The following LRMDA variants were observed in gnomAD, a reference collection of about 807,000 sequenced individuals.
LRMDA encodes leucine rich melanocyte differentiation associated.
A neutral mutation model predicts 29.8 loss-of-function variants in LRMDA; 18 were observed. That is an observed-to-expected ratio of 0.60 (90% CI 0.42 to 0.90). LRMDA has a LOEUF of 0.90. LRMDA is among the 40% of genes least tolerant of loss of function. The probability of loss-of-function intolerance (pLI) is 0.00; values close to 1 mark genes in which losing one functional copy is unlikely to be tolerated. For synonymous variants in LRMDA, 125 were observed against 109.4 expected (o/e 1.14, Z -0.89); for missense variants, 273 against 273.9 (o/e 1.00, Z 0.02).
In LRMDA at chr10:75,652,142, T is replaced by A. The variant is rs528530352; in HGVS notation, c.131+213648T>A. Among the ~76,000 whole-genome samples, 11 of 152,322 alleles carry A rather than the reference T, an allele frequency of 7.2e-5. No homozygotes were observed. In the East Asian group the frequency reaches 1.9e-3, roughly 27 times the overall value. On this transcript the variant is annotated intron_variant, in intron 2 of 6. Coordinates refer to ENST00000611255, the MANE Select transcript of LRMDA (RefSeq NM_001305581.2). Reference sequence around the variant, plus strand: ...TGGGCATCCTAAAACCAGATAATTTTAAAAAATTCATTGCAGCCATGGGCA... The same window carrying A: ...TGGGCATCCTAAAACCAGATAATTTAAAAAAATTCATTGCAGCCATGGGCA...
At chr10:75,673,080 G>T (rs1043897966) in intron 2 of LRMDA, among the ~76,000 whole-genome samples, 3 of 151,922 alleles carry the variant, frequency 2.0e-5, no homozygotes, top group African/African-American at 7.3e-5. Context: ...CCTGCTGCTG[G>T]TATGTGGTGT....
intron 5 of LRMDA, among the ~76,000 whole-genome samples, chr10:76,291,306 G>T (rs910855150): frequency 5.9e-5 from 9 of 152,082 alleles, no homozygotes; most frequent in African/African-American, 2.2e-4. Flanking sequence ...AATCATCTGG[G>T]ATATTGTGAT....
At chr10:76,380,670 T>TAA (rs531185581) in intron 6 of LRMDA, among the ~76,000 whole-genome samples, 53 of 54,390 alleles carry the variant, frequency 9.7e-4, no homozygotes, top group South Asian at 4.3e-3. Flanking sequence ...CTCCACTTCA[T>TAA]AAAAAAAAAA....
At chr10:75,648,906 A>T (rs1372539526) in intron 2 of LRMDA, among the ~76,000 whole-genome samples, 1 of 152,176 alleles carries the variant, frequency 6.6e-6, no homozygotes, top group African/African-American at 2.4e-5. Context: ...TCGAACTTCC[A>T]GTGCACTGGG....
intron 5 of LRMDA, among the ~76,000 whole-genome samples, chr10:76,157,432 C>T (rs1453502810): frequency 1.3e-5 from 2 of 151,938 alleles, no homozygotes; most frequent in African/African-American, 4.8e-5. Flanking sequence ...GCAACATAGC[C>T]AGACCCTGTT....
At chr10:76,141,080 T>C (rs1356785217) in intron 5 of LRMDA, among the ~76,000 whole-genome samples, 1 of 152,080 alleles carries the variant, frequency 6.6e-6, no homozygotes, top group Non-Finnish European at 1.5e-5. Flanking sequence ...ATGGCTCCCA[T>C]GCACACCAGC....
chr10:75,622,028 A>G (rs1183275717), intron 2 of LRMDA, among the ~76,000 whole-genome samples: 1 of 152,206 alleles, frequency 6.6e-6, no homozygotes, highest in African/African-American at 2.4e-5. Context: ...CTTTAAATGC[A>G]TAAATCAAAT....
intron 2 of LRMDA, among the ~76,000 whole-genome samples, chr10:75,989,979 G>T (rs555108644): frequency 1.3e-5 from 2 of 152,294 alleles, no homozygotes; most frequent in Admixed American, 1.3e-4. Context: ...AGACAGGCCG[G>T]CCTCCTTAGG....
chr10:76,316,718 G>A (rs1333650227), intron 5 of LRMDA, among the ~76,000 whole-genome samples: 10 of 152,170 alleles, frequency 6.6e-5, no homozygotes, highest in Non-Finnish European at 1.5e-4. Context: ...TTACTTGGAG[G>A]TTATATTACA....
At chr10:76,345,127 C>A (rs961053141) in intron 6 of LRMDA, among the ~76,000 whole-genome samples, 32 of 125,034 alleles carry the variant, frequency 2.6e-4, no homozygotes, top group African/African-American at 9.7e-4. Context: ...AGTGCAGTGG[C>A]GCGATCTCGG....
chr10:76,084,045 A>G lies in LRMDA; in HGVS notation c.516+25262A>G, dbSNP rs138283620. On this transcript the variant is annotated intron_variant, in intron 5 of 6. Transcript: ENST00000611255. ...TTGGGCTCCTGAGCAACATTCATGAACGGAGGAAGACTGTGTGGACAAGTG... is the reference window on the plus strand; with the variant it reads ...TTGGGCTCCTGAGCAACATTCATGAGCGGAGGAAGACTGTGTGGACAAGTG... 4.7e-4 allele frequency among the ~76,000 whole-genome samples: 71 copies of G among 152,268 alleles called. 1 individual carries two copies. The East Asian group carries it at 0.013, about 29-fold the overall frequency.
chr10:75,630,313 G>A (rs924539725), intron 2 of LRMDA, among the ~76,000 whole-genome samples: 6 of 152,216 alleles, frequency 3.9e-5, no homozygotes, highest in African/African-American at 7.2e-5. Context: ...ACCATCCCCC[G>A]CTTCCCTCTC....
At chr10:76,013,055 G>T (rs1009078119) in intron 2 of LRMDA, among the ~76,000 whole-genome samples, 1 of 152,174 alleles carries the variant, frequency 6.6e-6, no homozygotes, top group African/African-American at 2.4e-5. Flanking sequence ...AAGACTGTTG[G>T]AAACCTTTTA....
intron 2 of LRMDA, among the ~76,000 whole-genome samples, chr10:75,995,276 C>A (rs1384898934): frequency 6.6e-6 from 1 of 152,196 alleles, no homozygotes; most frequent in Admixed American, 6.5e-5. Flanking sequence ...GAAGTACTTG[C>A]AGCTGCATTC....
At chr10:75,735,952 A>AT (rs1006296030) in intron 2 of LRMDA, among the ~76,000 whole-genome samples, 5 of 151,962 alleles carry the variant, frequency 3.3e-5, no homozygotes, top group African/African-American at 1.2e-4. Context: ...TGAACTTTTT[A>AT]TTTTTTGTGG....
At chr10:76,351,133 T>C (rs1389490600) in intron 6 of LRMDA, among the ~76,000 whole-genome samples, 1 of 152,020 alleles carries the variant, frequency 6.6e-6, no homozygotes, top group Non-Finnish European at 1.5e-5. Flanking sequence ...CAGCACTTAT[T>C]GATGCAAAGA....
At chr10:75,694,608 C>T (rs970712246) in intron 2 of LRMDA, among the ~76,000 whole-genome samples, 1 of 152,030 alleles carries the variant, frequency 6.6e-6, no homozygotes, top group Non-Finnish European at 1.5e-5. Flanking sequence ...TAATAGAGTA[C>T]GGGGAATCTC....
chr10:75,517,936 T>C (rs940259358), intron 2 of LRMDA, among the ~76,000 whole-genome samples: 3 of 152,234 alleles, frequency 2.0e-5, no homozygotes, highest in Non-Finnish European at 4.4e-5. Flanking sequence ...GTTGGAGTTT[T>C]CTGCATCTAT....
rs958293913 is a variant in LRMDA at position 76,275,508 on chromosome 10, ATTATT to A, written c.517-48880_517-48876del. Among the ~76,000 whole-genome samples the A allele has an allele frequency of 3.3e-5, 5 of 152,086 alleles. No individual in the cohort carries two copies. The East Asian group carries it at 7.7e-4, about 23-fold the overall frequency. On this transcript the variant is annotated intron_variant, in intron 5 of 6. Coordinates refer to ENST00000611255, the MANE Select transcript of LRMDA (RefSeq NM_001305581.2). ...TTTCCTATGAGTCTTAAATTATCTAATTATTTTATTTTATTTTTCATATGCATTCA... is the reference window on the plus strand; with the variant it reads ...TTTCCTATGAGTCTTAAATTATCTAATTATTTTATTTTTCATATGCATTCA...
Sources: allele counts gnomAD v4.1 joint callset (sites outside exome capture counted in the v4.1 genomes callset), GRCh38; gene constraint gnomAD v4.1.1; transcripts MANE v1.5; gene names NCBI Gene and HGNC (gene_info 2026-07-23, HGNC 2026-07-21).